Variants in PDGFC observed in about 807,000 individuals in gnomAD.
The protein encoded by PDGFC is platelet derived growth factor C, also known as platelet-derived growth factor C.
In PDGFC, 12 loss-of-function variants were observed where a neutral mutation model predicts 35.5. The observed-to-expected ratio is 0.34, with a 90% confidence interval of 0.22 to 0.55. The LOEUF (loss-of-function observed/expected upper bound fraction) is 0.55, where lower values mean the gene tolerates loss of function less well. Among genes scored for constraint, PDGFC ranks in the 20% least tolerant of loss-of-function variants. The pLI, the probability that PDGFC is intolerant of heterozygous loss-of-function variation, is 0.91. For missense variants in PDGFC, 322 were observed against 412.4 expected (o/e 0.78, Z 1.90); for synonymous variants, 159 against 148.8 (o/e 1.07, Z -0.50).
chr4:156,818,935 G>A (rs1027831968), intron 2 of PDGFC, among the ~76,000 whole-genome samples: 3 of 152,188 alleles, frequency 2.0e-5, no homozygotes, highest in African/African-American at 7.2e-5. Context: ...CAAGGAGAGG[G>A]AGAGGACCTT....
intron 1 of PDGFC, among the ~76,000 whole-genome samples, chr4:156,862,504 C>T (rs1350863268): frequency 1.3e-5 from 2 of 152,028 alleles, no homozygotes; most frequent in African/African-American, 4.8e-5. Context: ...TGAAATATAT[C>T]TCTTATCAAA....
chr4:156,895,571 G>T (rs1050352483), intron 1 of PDGFC, among the ~76,000 whole-genome samples: 1 of 151,738 alleles, frequency 6.6e-6, no homozygotes, highest in Non-Finnish European at 1.5e-5. Context: ...GGCAGAGGTT[G>T]CAGTAAGCTG....
chr4:156,884,854 C>A (rs539619520), intron 1 of PDGFC, among the ~76,000 whole-genome samples: 100 of 152,240 alleles, frequency 6.6e-4, no homozygotes, highest in African/African-American at 2.4e-3. Flanking sequence ...GACTCTACTG[C>A]ACGATGGATC....
Position 156,850,283 on chromosome 4 carries a change from T to C in PDGFC, c.252A>G (p.Val84=), listed in dbSNP as rs779821287. ...TTTCATCAAACGTAAGTTGTATCCA[T>C]ACATTTTCCTCTACTGCTACTAATC... The part of the protein sequence containing the change: ...VWRLVAVEEN[V]WIQLTFDERF... The change falls in exon 2 of 6, where the codon GTA becomes GTG. Residue 84 remains valine (V), a synonymous_variant. Transcript: ENST00000502773. 8 of 1,610,102 alleles carry C rather than the reference T, an allele frequency of 5.0e-6. No homozygotes were observed. The highest frequency in any genetic ancestry group is 4.2e-6 in the Non-Finnish European group (5 of 1,177,696).
chr4:156,918,940 T>C (rs1372075985), intron 1 of PDGFC, among the ~76,000 whole-genome samples: 1 of 152,230 alleles, frequency 6.6e-6, no homozygotes, highest in East Asian at 1.9e-4. Context: ...TTTAATTATA[T>C]TGTACTATAA....
chr4:156,966,363 A>G (rs1384225913), intron 1 of PDGFC, among the ~76,000 whole-genome samples: 1 of 152,224 alleles, frequency 6.6e-6, no homozygotes, highest in East Asian at 1.9e-4. Flanking sequence ...AAATCAGAGT[A>G]AGTAAATGAA....
chr4:156,921,865 C>T (rs1419010996), intron 1 of PDGFC, among the ~76,000 whole-genome samples: 2 of 152,118 alleles, frequency 1.3e-5, no homozygotes, highest in Non-Finnish European at 2.9e-5. Context: ...TCCTCAGCAG[C>T]TATTCCCACA....
intron 2 of PDGFC, among the ~76,000 whole-genome samples, chr4:156,824,339 CACACACACACATAT>C (rs1218455597): frequency 8.0e-6 from 1 of 125,246 alleles, no homozygotes; most frequent in Non-Finnish European, 1.6e-5. Flanking sequence ...CACACACACA[CACACACACACATAT>C]ACACACATAT....
intron 1 of PDGFC, among the ~76,000 whole-genome samples, chr4:156,858,388 GC>G (rs898347831): frequency 1.3e-5 from 2 of 151,920 alleles, no homozygotes; most frequent in African/African-American, 4.8e-5. Flanking sequence ...AGGATAAATG[GC>G]CAAGTATATA....
At chr4:156,931,671 T>C (rs1379828666) in intron 1 of PDGFC, among the ~76,000 whole-genome samples, 1 of 152,206 alleles carries the variant, frequency 6.6e-6, no homozygotes, top group Non-Finnish European at 1.5e-5. Context: ...ATGTTCAAGC[T>C]TCATGAAACT....
At chr4:156,782,136 A>G (rs1278923884) in intron 3 of PDGFC, among the ~76,000 whole-genome samples, 2 of 152,142 alleles carry the variant, frequency 1.3e-5, no homozygotes, top group African/African-American at 4.8e-5. Flanking sequence ...AAACAGATTT[A>G]TATTCAGTAG....
intron 1 of PDGFC, among the ~76,000 whole-genome samples, chr4:156,867,702 G>A (rs1729879207): frequency 6.6e-6 from 1 of 152,092 alleles, no homozygotes; most frequent in Non-Finnish European, 1.5e-5. Flanking sequence ...TATCGCTCCT[G>A]CTGTTCACGA....
intron 3 of PDGFC, chr4:156,778,174 A>G (rs1730876969): frequency 2.6e-6 from 1 of 382,524 alleles, no homozygotes; most frequent in Non-Finnish European, 5.4e-6. Context: ...GGTGAGCACT[A>G]TTAACAAAAC....
At chr4:156,877,865 C>T (rs1730151818) in intron 1 of PDGFC, among the ~76,000 whole-genome samples, 1 of 152,124 alleles carries the variant, frequency 6.6e-6, no homozygotes, top group Admixed American at 6.6e-5. Flanking sequence ...CTCTTTAGGT[C>T]TCAGCACAAA....
chr4:156,934,830 A>T (rs1180507086), intron 1 of PDGFC, among the ~76,000 whole-genome samples: 1 of 152,148 alleles, frequency 6.6e-6, no homozygotes, highest in African/African-American at 2.4e-5. Flanking sequence ...CAGGATCAGG[A>T]CCATCAATAT....
At chr4:156,930,855 A>C (rs1731534920) in intron 1 of PDGFC, among the ~76,000 whole-genome samples, 1 of 151,900 alleles carries the variant, frequency 6.6e-6, no homozygotes, top group African/African-American at 2.4e-5. Context: ...GGTGAGTGAA[A>C]CTCTGTCTCA....
rs146835856 is a variant in PDGFC at position 156,811,616 on chromosome 4, A to G, written c.315-599T>C. The stretch of plus-strand genomic sequence containing the variant: ...AACTAACCATATATGTGTATAAGTG[A>G]TCCATCTTCTTAGGCTGTTAATCCT... On this transcript the variant is annotated intron_variant, in intron 2 of 5. Coordinates refer to ENST00000502773, the MANE Select transcript of PDGFC (RefSeq NM_016205.3). Among the ~76,000 whole-genome samples the G allele has an allele frequency of 4.7e-3, 710 of 152,210 alleles. 4 individuals are homozygous for G. The highest frequency in any genetic ancestry group is 0.016 in the African/African-American group (650 of 41,558).
At chr4:156,968,552 A>G (rs1732518817) in intron 1 of PDGFC, among the ~76,000 whole-genome samples, 3 of 152,206 alleles carry the variant, frequency 2.0e-5, no homozygotes, top group Admixed American at 6.5e-5. Flanking sequence ...TAATGGTAGT[A>G]GCTCTAACAA....
intron 3 of PDGFC, among the ~76,000 whole-genome samples, chr4:156,788,586 T>C (rs1731193120): frequency 1.3e-5 from 2 of 152,316 alleles, no homozygotes; most frequent in East Asian, 3.9e-4. Context: ...TTTAATCATC[T>C]TCTAACCAAT....
Sources: allele counts gnomAD v4.1 joint callset (sites outside exome capture counted in the v4.1 genomes callset), GRCh38; gene constraint gnomAD v4.1.1; transcripts MANE v1.5; gene names NCBI Gene and HGNC (gene_info 2026-07-23, HGNC 2026-07-21).